STK3: variants seen among roughly 807,000 people sequenced by gnomAD.
The protein encoded by STK3 is serine/threonine kinase 3.
In STK3, 41 loss-of-function variants were observed where a neutral mutation model predicts 58.0. The observed-to-expected ratio is 0.71, with a 90% CI of 0.55 to 0.92. The LOEUF is 0.92. STK3 is among the 40% of genes least tolerant of loss of function. The pLI is 0.00. For synonymous variants in STK3, 170 were observed against 191.0 expected, an observed-to-expected ratio of 0.89 and a Z score of 0.91; for missense variants, 479 against 602.7, an observed-to-expected ratio of 0.79 and a Z score of 2.15.
At chr8:98,412,125 C>A (rs898620254) in intron 3 of STK3, among the ~76,000 whole-genome samples, 1 of 152,200 alleles carries the variant, frequency 6.6e-6, no homozygotes, top group Non-Finnish European at 1.5e-5. Flanking sequence ...GCTTCTATTG[C>A]TCCCGAGGTG....
In STK3 at chr8:98,746,661, T is replaced by G. The variant is rs118151691; in HGVS notation, c.351+2615A>C. 4.9e-4 allele frequency among the ~76,000 whole-genome samples: 75 copies of G among 152,176 alleles called. 1 individual carries two copies. In the East Asian group the frequency reaches 0.012, roughly 25 times the overall value. On this transcript the variant is annotated intron_variant, in intron 4 of 10. Coordinates refer to ENST00000419617, the MANE Select transcript of STK3 (RefSeq NM_006281.4). Reference sequence around the variant, plus strand: ...ATAAATTATGTTCTTGGATATAAAATACAAGATTTCTGGATAATATCTTTA... The same window carrying G: ...ATAAATTATGTTCTTGGATATAAAAGACAAGATTTCTGGATAATATCTTTA...
At chr8:98,670,527 A>G (rs924662778) in intron 6 of STK3, among the ~76,000 whole-genome samples, 4 of 152,216 alleles carry the variant, frequency 2.6e-5, no homozygotes, top group Non-Finnish European at 5.9e-5. Context: ...TAGAGGCAGG[A>G]AGCAGAAAAA....
At chr8:98,886,584 A>G (rs895552763) in intron 1 of STK3, among the ~76,000 whole-genome samples, 1 of 152,222 alleles carries the variant, frequency 6.6e-6, no homozygotes, top group East Asian at 1.9e-4. Context: ...GAGTAAAGAA[A>G]TACACATTAA....
the STK3 span, among the ~76,000 whole-genome samples, chr8:98,350,082 T>C: frequency 6.6e-6 from 1 of 152,180 alleles, no homozygotes; most frequent in Non-Finnish European, 1.5e-5. Context: ...TTCCGAACTT[T>C]TATGCTGTGC....
chr8:98,862,663 C>G (rs150224880), intron 3 of STK3, among the ~76,000 whole-genome samples: 1 of 152,318 alleles, frequency 6.6e-6, no homozygotes, highest in African/African-American at 2.4e-5. Context: ...AATGCAATTT[C>G]AAGCTCATGC....
intron 1 of STK3, among the ~76,000 whole-genome samples, chr8:98,799,778 C>A (rs1833398763): frequency 6.6e-6 from 1 of 152,168 alleles, no homozygotes. Flanking sequence ...TTATCTACTT[C>A]ATTATCCTAC....
the STK3 span, among the ~76,000 whole-genome samples, chr8:98,344,465 G>A: frequency 6.6e-6 from 1 of 152,232 alleles, no homozygotes; most frequent in Admixed American, 6.5e-5. Context: ...ATTCTGCATG[G>A]TTTAGGCATC....
intron 1 of STK3, among the ~76,000 whole-genome samples, chr8:98,780,671 A>T (rs553640504): frequency 3.9e-5 from 6 of 152,146 alleles, no homozygotes; most frequent in Non-Finnish European, 8.8e-5. Context: ...GAAAAAAAAA[A>T]CAGTCTGGAG....
intron 3 of STK3, chr8:98,875,579 C>G (rs1208718780): frequency 2.0e-5 from 3 of 152,204 alleles, no homozygotes; most frequent in Admixed American, 6.5e-5. Context: ...TAAATAAAGA[C>G]CATTTCATTC....
chr8:98,831,456 T>C (rs1440037045), intron 3 of STK3, among the ~76,000 whole-genome samples: 2 of 152,184 alleles, frequency 1.3e-5, no homozygotes. Context: ...GAGGTCTCAC[T>C]ATGTTACCCA....
intron 1 of STK3, among the ~76,000 whole-genome samples, chr8:98,921,971 A>G (rs529424987): frequency 6.6e-6 from 1 of 152,234 alleles, no homozygotes; most frequent in Non-Finnish European, 1.5e-5. Context: ...TGGGATTACA[A>G]GCATAAGCCA....
At chr8:98,408,804 G>A (rs1818025066) in intron 3 of STK3, among the ~76,000 whole-genome samples, 1 of 152,194 alleles carries the variant, frequency 6.6e-6, no homozygotes, top group African/African-American at 2.4e-5. Flanking sequence ...CATAGCCAGG[G>A]CTTGGGAATC....
intron 10 of STK3, among the ~76,000 whole-genome samples, chr8:98,458,839 T>C (rs922987502): frequency 6.6e-6 from 1 of 152,254 alleles, no homozygotes; most frequent in Non-Finnish European, 1.5e-5. Flanking sequence ...GTAAATTTCC[T>C]GAGGCCTCCC....
intron 3 of STK3, among the ~76,000 whole-genome samples, chr8:98,754,929 T>G (rs1830199054): frequency 6.6e-6 from 1 of 152,206 alleles, no homozygotes; most frequent in Non-Finnish European, 1.5e-5. Flanking sequence ...TTTCTTGCCA[T>G]ACACACTAAT....
intron 1 of STK3, among the ~76,000 whole-genome samples, chr8:98,787,593 A>C (rs1218357439): frequency 6.6e-6 from 1 of 152,174 alleles, no homozygotes; most frequent in African/African-American, 2.4e-5. Flanking sequence ...CACCTGGGGA[A>C]TTCATCACAA....
intron 9 of STK3, among the ~76,000 whole-genome samples, chr8:98,536,276 T>C (rs1270319213): frequency 6.6e-6 from 1 of 152,126 alleles, no homozygotes; most frequent in East Asian, 1.9e-4. Context: ...AATACAATTC[T>C]GGCTAATGAC....
chr8:98,926,582 GCA>G (rs1839808166), intron 1 of STK3, among the ~76,000 whole-genome samples: 1 of 151,992 alleles, frequency 6.6e-6, no homozygotes, highest in Non-Finnish European at 1.5e-5. Context: ...CATCTATAAT[GCA>G]GTAATATGGA....
At chr8:98,909,091 A>G (rs1168940699) in intron 1 of STK3, among the ~76,000 whole-genome samples, 1 of 152,046 alleles carries the variant, frequency 6.6e-6, no homozygotes, top group African/African-American at 2.4e-5. Flanking sequence ...AACCCAGGAA[A>G]TGGATGCTGC....
downstream of STK3, among the ~76,000 whole-genome samples, chr8:98,397,831 G>T (rs1169868909): frequency 1.3e-5 from 2 of 152,272 alleles, no homozygotes; most frequent in African/African-American, 2.4e-5. Flanking sequence ...TTGCCCGCTT[G>T]TTCTCTGTCT....
Sources: gnomAD v4.1 joint callset for allele counts (sites outside exome capture counted in the v4.1 genomes callset) on GRCh38, gnomAD v4.1.1 for gene constraint, MANE v1.5 for transcripts, NCBI Gene and HGNC (gene_info 2026-07-23, HGNC 2026-07-21) for gene names.